The following NRXN1 variants were observed in gnomAD, a reference collection of about 807,000 sequenced individuals.
NRXN1 encodes neurexin-1.
In NRXN1, 39 loss-of-function variants were observed where a neutral mutation model predicts 150.9. The observed-to-expected ratio is 0.26, with a 90% CI of 0.20 to 0.34. NRXN1 has a LOEUF of 0.34. NRXN1 is among the 10% of genes least tolerant of loss of function. NRXN1 has a pLI of 1.00. For missense variants in NRXN1, 1,815 were observed against 1,949.9 expected, an observed-to-expected ratio of 0.93 and a Z score of 1.30; for synonymous variants, 924 against 757.0, an observed-to-expected ratio of 1.22 and a Z score of -3.62.
At chr2:50,553,129 A>G in intron 8 of NRXN1, 104 bp from the exon 9 acceptor site, 1 of 808,152 alleles carries the variant, frequency 1.2e-6, no homozygotes, top group East Asian at 2.5e-5. Flanking sequence ...AAGGCACACG[A>G]TATTTAGTTA....
At chr2:50,119,514 C>T (rs146311683) in intron 18 of NRXN1, among the ~76,000 whole-genome samples, 43 of 146,986 alleles carry the variant, frequency 2.9e-4, no homozygotes, top group African/African-American at 1.1e-3. Context: ...TAGGGAGATG[C>T]AAAACCTTAC....
chr2:50,521,842 A>G (rs943141199), intron 12 of NRXN1, among the ~76,000 whole-genome samples: 2 of 152,174 alleles, frequency 1.3e-5, no homozygotes, highest in Non-Finnish European at 2.9e-5. Context: ...AGTGGATCCA[A>G]TTGGATCCAG....
intron 17 of NRXN1, among the ~76,000 whole-genome samples, chr2:50,280,968 AT>A (rs1300288462): frequency 5.9e-5 from 9 of 152,054 alleles, no homozygotes; most frequent in African/African-American, 1.9e-4. Context: ...ACCATGTTAA[AT>A]GGAGGCCAAG....
At chr2:50,028,010 T>C (rs1243049065) in intron 21 of NRXN1, among the ~76,000 whole-genome samples, 3 of 151,826 alleles carry the variant, frequency 2.0e-5, no homozygotes, top group African/African-American at 7.3e-5. Context: ...GTCTTGGGCA[T>C]AAGTACTGAG....
At chr2:50,386,314 T>G (rs2882690) in intron 17 of NRXN1, among the ~76,000 whole-genome samples, 36,447 of 151,650 alleles carry the variant, frequency 0.24, 4,610 homozygotes, top group East Asian at 0.43. Flanking sequence ...ATATTGGAGA[T>G]TTGTCTTAAT....
chr2:50,497,753 G>A (rs199968625), intron 13 of NRXN1, 39 bp from the exon 14 acceptor site: 1 of 1,543,328 alleles, frequency 6.5e-7, no homozygotes, highest in East Asian at 2.3e-5. Flanking sequence ...TTCTGTATCT[G>A]AAAGGCACTT....
At chr2:49,978,495 C>G (rs767641366) in intron 21 of NRXN1, among the ~76,000 whole-genome samples, 1 of 152,126 alleles carries the variant, frequency 6.6e-6, no homozygotes, top group Non-Finnish European at 1.5e-5. Context: ...TGGGACTCCT[C>G]TAATGCTAAT....
chr2:50,868,612 C>G (rs1677312986), intron 5 of NRXN1, among the ~76,000 whole-genome samples: 2 of 151,762 alleles, frequency 1.3e-5, no homozygotes, highest in Non-Finnish European at 2.9e-5. Flanking sequence ...GAAACAAGTT[C>G]TATACATAAG....
intron 5 of NRXN1, among the ~76,000 whole-genome samples, chr2:50,847,112 C>T (rs541746993): frequency 6.6e-6 from 1 of 152,172 alleles, no homozygotes; most frequent in South Asian, 2.1e-4. Context: ...ACATGAGGGT[C>T]TTGTGACATG....
Position 50,574,598 on chromosome 2 carries a change from C to T in NRXN1, c.1321-21573G>A, listed in dbSNP as rs546165674. On this transcript the variant is annotated intron_variant, in intron 8 of 22. Coordinates refer to ENST00000401669, the MANE Select transcript of NRXN1 (RefSeq NM_001330078.2). ...CCAGCTCTCTAAGGTCTCCTAACGT[C>T]TACCTAGGAGAGAAATCCAAATGTT... is the stretch of plus-strand genomic sequence containing the variant. Among the ~76,000 whole-genome samples, 27 of 152,282 alleles carry T rather than the reference C, an allele frequency of 1.8e-4. 1 individual carries two copies. The highest frequency in any genetic ancestry group is 6.5e-4 in the African/African-American group (27 of 41,554).
intron 16 of NRXN1, among the ~76,000 whole-genome samples, chr2:50,467,135 G>A (rs187762206): frequency 1.1e-4 from 17 of 151,824 alleles, no homozygotes; most frequent in African/African-American, 2.2e-4. Context: ...CATGTGCAGC[G>A]TTTATCCTTG....
chr2:50,519,739 G>C (rs1411144245), intron 12 of NRXN1, among the ~76,000 whole-genome samples: 1 of 151,798 alleles, frequency 6.6e-6, no homozygotes, highest in Non-Finnish European at 1.5e-5. Flanking sequence ...TTCAAATCTG[G>C]TTTATTTCTC....
chr2:49,956,665 A>G (rs1675011032), intron 21 of NRXN1, among the ~76,000 whole-genome samples: 1 of 152,198 alleles, frequency 6.6e-6, no homozygotes, highest in African/African-American at 2.4e-5. Context: ...AATTTAGGGA[A>G]GAGAATTACA....
chr2:51,022,976 G>C (rs1412293788), intron 2 of NRXN1, among the ~76,000 whole-genome samples: 3 of 152,048 alleles, frequency 2.0e-5, no homozygotes, highest in South Asian at 2.1e-4. Flanking sequence ...CCACATAAAG[G>C]GTTCAGGTAA....
intron 17 of NRXN1, among the ~76,000 whole-genome samples, chr2:50,293,408 T>C (rs2073181823): frequency 6.6e-6 from 1 of 152,184 alleles, no homozygotes; most frequent in Non-Finnish European, 1.5e-5. Flanking sequence ...CCTTACATCA[T>C]GCTACCCTGT....
chr2:50,363,958 G>A (rs1220394788), intron 17 of NRXN1, among the ~76,000 whole-genome samples: 1 of 152,134 alleles, frequency 6.6e-6, no homozygotes, highest in East Asian at 1.9e-4. Context: ...GATGTAGCTG[G>A]AAACCATCAT....
intron 21 of NRXN1, among the ~76,000 whole-genome samples, chr2:49,962,727 G>A (rs1048554310): frequency 1.3e-5 from 2 of 152,180 alleles, no homozygotes; most frequent in Non-Finnish European, 2.9e-5. Flanking sequence ...GGCCGGACAC[G>A]GTGGCTCATG....
intron 5 of NRXN1, among the ~76,000 whole-genome samples, chr2:50,788,897 A>C (rs974910952): frequency 6.6e-6 from 1 of 152,170 alleles, no homozygotes; most frequent in East Asian, 1.9e-4. Context: ...TGATCATGGA[A>C]GGTTTCTCAA....
At chr2:50,583,365 C>A (rs895919254) in intron 8 of NRXN1, among the ~76,000 whole-genome samples, 3 of 152,106 alleles carry the variant, frequency 2.0e-5, no homozygotes, top group Non-Finnish European at 4.4e-5. Flanking sequence ...ACCTGATTAA[C>A]CTACTCACCT....
Sources: allele counts gnomAD v4.1 joint callset (sites outside exome capture counted in the v4.1 genomes callset), GRCh38; gene constraint gnomAD v4.1.1; transcripts MANE v1.5; gene names NCBI Gene and HGNC (gene_info 2026-07-23, HGNC 2026-07-21).